Variants in ROS1 observed in about 807,000 individuals in gnomAD.
ROS1 encodes proto-oncogene tyrosine-protein kinase ROS.
Under a neutral mutation model 273.5 loss-of-function variants are expected in ROS1, and 263 were observed. That is an observed-to-expected ratio of 0.96 (90% CI 0.87 to 1.06). The LOEUF (loss-of-function observed/expected upper bound fraction) is 1.06, where lower values mean the gene tolerates loss of function less well. Among genes scored for constraint, ROS1 ranks in the 50% least tolerant of loss-of-function variants. ROS1 has a pLI of 0.00. For missense variants in ROS1, 2,833 were observed against 2,751.1 expected, an observed-to-expected ratio of 1.03 and a Z score of -0.67; for synonymous variants, 1,008 against 954.1, an observed-to-expected ratio of 1.06 and a Z score of -1.04.
intron 40 of ROS1, 33 bp from the exon 41 acceptor site, chr6:117,310,314 A>G: frequency 7.0e-7 from 1 of 1,435,796 alleles, no homozygotes; most frequent in Non-Finnish European, 9.5e-7. Flanking sequence ...TAATAATAAT[A>G]ATAACAACAA....
Position 117,394,269 on chromosome 6 carries a change from T to C in ROS1, c.1084A>G (p.Met362Val). The C allele has an allele frequency of 6.2e-7, 1 of 1,611,216 alleles. No individual in the cohort carries two copies. ...TLIWAKKAAN[M>V]SDVSDLRIFY... ...ATTCTCAGGTCAGATACATCAGACA[T>C]GTTGGCAGCCTTCTTCGCCCATATG... is the stretch of plus-strand genomic sequence containing the variant. The change falls in exon 11 of 44, where the codon ATG becomes GTG. Residue 362 changes from methionine (M) to valine (V), a missense_variant. By Grantham distance (21) the Met-to-Val change is conservative. Coordinates refer to ENST00000368507, the MANE Select transcript of ROS1 (RefSeq NM_001378902.1).
chr6:117,384,276 T>C (rs1248941453), intron 16 of ROS1, among the ~76,000 whole-genome samples: 1 of 152,196 alleles, frequency 6.6e-6, no homozygotes, highest in Non-Finnish European at 1.5e-5. Context: ...CATTGCTTCA[T>C]ATGCTTCTTT....
Position 117,379,260 on chromosome 6 carries a change from CT to C in ROS1, c.2482-102del, listed in dbSNP as rs1266748876. The C allele has an allele frequency of 4.5e-6, 3 of 660,914 alleles. No homozygotes were observed. The African/African-American group carries it at 5.5e-5, about 12-fold the overall frequency. 40.9% of individuals were successfully genotyped at this position (660,914 alleles called of 1,614,324 possible). ...GCTATAGATTTCTCTTTAACATCCT[CT>C]TTGGAATAATAAATTCAGTAATTTT... On this transcript the variant is annotated intron_variant, in intron 17 of 43. Coordinates refer to ENST00000368507, the MANE Select transcript of ROS1 (RefSeq NM_001378902.1).
intron 29 of ROS1, 91 bp downstream of exon 29, chr6:117,342,309 G>T (rs373693415): frequency 1.8e-5 from 22 of 1,227,364 alleles, no homozygotes; most frequent in Middle Eastern, 1.9e-4. Context: ...AAATTACTTC[G>T]CATTCAGATT....
At position 117,310,082 on chromosome 6, in the gene ROS1, A is replaced by G; in HGVS notation, c.6415T>C (p.Trp2139Arg). ...DGIFTTQSDV[W>R]SFGILIWEIL... The stretch of plus-strand genomic sequence containing the variant: ...TACTCTGTGTCCCGTTAAACTTACC[A>G]TACATCAGATTGAGTAGTGAAGATT... The change falls in exon 41 of 44, where the codon TGG becomes CGG. Residue 2139 changes from tryptophan to arginine, a missense_variant and splice_region_variant. Coordinates refer to ENST00000368507, the MANE Select transcript of ROS1 (RefSeq NM_001378902.1). The G allele has an allele frequency of 1.2e-6, 2 of 1,612,180 alleles. No individual in the cohort carries two copies. The highest frequency in any genetic ancestry group is 1.7e-5 in the Admixed American group (1 of 59,932).
chr6:117,425,067 T>G (rs1051319503), intron 1 of ROS1, among the ~76,000 whole-genome samples: 2 of 152,170 alleles, frequency 1.3e-5, no homozygotes, highest in African/African-American at 4.8e-5. Context: ...AATAAAGAAA[T>G]GTACAAATAA....
rs745980825 is a variant in ROS1, at chr6:117,385,856, C to T, written c.2116G>A (p.Asp706Asn). ...SSDIGNVSDM[D>N]WYNNSLYYSD... ...TAGTAGAGGCTGTTGTTATACCAAT[C>T]CATGTCTCAAAATAAAGTGAATGAT... Residue 706 changes from aspartate (D) to asparagine (N), a missense_variant, in exon 16 of 44, where the codon GAT becomes AAT. By Grantham distance (23) the Asp-to-Asn change is conservative. Coordinates refer to ENST00000368507, the MANE Select transcript of ROS1 (RefSeq NM_001378902.1). The T allele has an allele frequency of 1.2e-6, 2 of 1,613,278 alleles. No homozygotes were observed. Among genetic ancestry groups the T allele is most frequent in the African/African-American group, 2.7e-5 (2 of 74,902 alleles).
intron 31 of ROS1, among the ~76,000 whole-genome samples, chr6:117,340,376 C>G (rs1277916548): frequency 6.6e-6 from 1 of 152,122 alleles, no homozygotes; most frequent in Non-Finnish European, 1.5e-5. Flanking sequence ...CATGATTATA[C>G]TGATTTGCTT....
chr6:117,337,878 T>C (rs1448437348), intron 31 of ROS1, among the ~76,000 whole-genome samples: 2 of 152,144 alleles, frequency 1.3e-5, no homozygotes, highest in African/African-American at 4.8e-5. Context: ...TTTATTTTTA[T>C]ATACTGGAAG....
At chr6:117,370,217 G>A (rs931179153) in intron 18 of ROS1, among the ~76,000 whole-genome samples, 2 of 152,110 alleles carry the variant, frequency 1.3e-5, no homozygotes, top group African/African-American at 4.8e-5. Flanking sequence ...TTGAACTTTA[G>A]GAGACTTTTT....
intron 28 of ROS1, among the ~76,000 whole-genome samples, 162 bp downstream of exon 28, chr6:117,343,898 A>T (rs1373272033): frequency 6.6e-6 from 1 of 152,234 alleles, no homozygotes; most frequent in Non-Finnish European, 1.5e-5. Context: ...ACTCCCAGTC[A>T]AGAAAACTAG....
chr6:117,359,535 G>A (rs1779607091), intron 24 of ROS1, among the ~76,000 whole-genome samples: 1 of 152,078 alleles, frequency 6.6e-6, no homozygotes, highest in African/African-American at 2.4e-5. Flanking sequence ...ACTAGACTGG[G>A]TTTATTAAGA....
At chr6:117,342,267 A>G (rs993524563) in intron 29 of ROS1, 133 bp downstream of exon 29, 2 of 838,878 alleles carry the variant, frequency 2.4e-6, no homozygotes, top group Non-Finnish European at 3.7e-6. Context: ...CTACAAACAC[A>G]TTTTTCTTAT....
intron 18 of ROS1, among the ~76,000 whole-genome samples, chr6:117,371,568 G>A (rs188315842): frequency 2.6e-5 from 4 of 152,284 alleles, no homozygotes; most frequent in East Asian, 3.9e-4. Context: ...ACAGTTTCCT[G>A]GACAGAACCT....
At chr6:117,354,651 C>T (rs1779150166) in intron 26 of ROS1, among the ~76,000 whole-genome samples, 1 of 152,086 alleles carries the variant, frequency 6.6e-6, no homozygotes, top group Non-Finnish European at 1.5e-5. Flanking sequence ...TCTAAATGAT[C>T]CCTAAAATCT....
intron 5 of ROS1, among the ~76,000 whole-genome samples, chr6:117,408,228 T>G (rs1774582759): frequency 6.6e-6 from 1 of 151,720 alleles, no homozygotes; most frequent in Admixed American, 6.6e-5. Context: ...CTAATTAAAC[T>G]AAAGAGCTTC....
intron 13 of ROS1, among the ~76,000 whole-genome samples, chr6:117,388,226 A>T (rs1399556825): frequency 6.6e-6 from 1 of 152,170 alleles, no homozygotes; most frequent in Non-Finnish European, 1.5e-5. Context: ...AACAAATAGG[A>T]CTGTCCTTCA....
intron 32 of ROS1, among the ~76,000 whole-genome samples, chr6:117,335,928 A>T (rs552588604): frequency 3.7e-4 from 56 of 152,242 alleles, no homozygotes; most frequent in African/African-American, 1.3e-3. Flanking sequence ...ACAACCCTGC[A>T]CGTTCTGCAC....
chr6:117,305,586 G>C (rs192302804), intron 42 of ROS1, among the ~76,000 whole-genome samples: 1 of 152,024 alleles, frequency 6.6e-6, no homozygotes, highest in Admixed American at 6.5e-5. Context: ...ACCATGTAGG[G>C]ACAAATGAGG....
Sources: gnomAD v4.1 joint callset for allele counts (sites outside exome capture counted in the v4.1 genomes callset) on GRCh38, gnomAD v4.1.1 for gene constraint, MANE v1.5 for transcripts, NCBI Gene and HGNC (gene_info 2026-07-23, HGNC 2026-07-21) for gene names.